The following TAF4B variants were observed in gnomAD, a reference collection of about 807,000 sequenced individuals.
The protein encoded by TAF4B is TATA-box binding protein associated factor 4b, also known as transcription initiation factor TFIID subunit 4B.
In TAF4B, 38 loss-of-function variants were observed where a neutral mutation model predicts 86.4. The observed-to-expected ratio is 0.44, with a 90% CI of 0.34 to 0.58. The LOEUF (loss-of-function observed/expected upper bound fraction) is 0.58, where lower values mean the gene tolerates loss of function less well. TAF4B is among the 20% of genes least tolerant of loss of function. TAF4B has a pLI of 0.02. For missense variants in TAF4B, 988 were observed against 1,027.6 expected, an observed-to-expected ratio of 0.96 and a Z score of 0.53; for synonymous variants, 388 against 391.2, an observed-to-expected ratio of 0.99 and a Z score of 0.10.
chr18:26,297,721 C>G (rs536478987), intron 9 of TAF4B, among the ~76,000 whole-genome samples: 45 of 152,148 alleles, frequency 3.0e-4, no homozygotes, highest in African/African-American at 9.9e-4. Context: ...CTTTTGTTTG[C>G]ACTGAATGAT....
At chr18:26,336,049 T>A (rs1598808468) in intron 13 of TAF4B, among the ~76,000 whole-genome samples, 1 of 152,200 alleles carries the variant, frequency 6.6e-6, no homozygotes, top group African/African-American at 2.4e-5. Flanking sequence ...GTGTGTGAAA[T>A]TTTTCACTTG....
intron 14 of TAF4B, among the ~76,000 whole-genome samples, chr18:26,368,352 T>C (rs2144335002): frequency 6.6e-6 from 1 of 152,322 alleles, no homozygotes; most frequent in South Asian, 2.1e-4. Context: ...TTAAAACCTT[T>C]TGGGGACAAA....
chr18:26,377,753 T>C (rs2057452479), intron 14 of TAF4B, among the ~76,000 whole-genome samples: 1 of 152,206 alleles, frequency 6.6e-6, no homozygotes, highest in South Asian at 2.1e-4. Flanking sequence ...TCTGGATTTA[T>C]TACTCCTCTC....
At chr18:26,389,458 T>C (rs1414789976) in intron 14 of TAF4B, among the ~76,000 whole-genome samples, 2 of 152,222 alleles carry the variant, frequency 1.3e-5, no homozygotes, top group Admixed American at 6.5e-5. Flanking sequence ...TATGTATGCA[T>C]ACAGCTTTGA....
intron 5 of TAF4B, among the ~76,000 whole-genome samples, chr18:26,281,121 T>C (rs1475619742): frequency 6.6e-6 from 1 of 152,126 alleles, no homozygotes; most frequent in Non-Finnish European, 1.5e-5. Flanking sequence ...ATGGGAACAA[T>C]AGACACTGGG....
intron 14 of TAF4B, among the ~76,000 whole-genome samples, chr18:26,388,774 C>T (rs1373886388): frequency 6.6e-6 from 1 of 152,108 alleles, no homozygotes; most frequent in Non-Finnish European, 1.5e-5. Context: ...GATAATATAG[C>T]ACAGTGGTTA....
At chr18:26,250,274 G>T (rs904073159) in intron 1 of TAF4B, among the ~76,000 whole-genome samples, 1 of 152,128 alleles carries the variant, frequency 6.6e-6, no homozygotes. Context: ...GAGGCAGGCG[G>T]ATCACGAGGT....
intron 13 of TAF4B, among the ~76,000 whole-genome samples, chr18:26,351,549 G>T (rs573385402): frequency 3.9e-5 from 6 of 152,196 alleles, no homozygotes; most frequent in African/African-American, 1.4e-4. Context: ...GAGATGATGG[G>T]TATACTAATT....
Position 26,337,791 on chromosome 18 carries a change from A to G in TAF4B, c.2316+2560A>G, listed in dbSNP as rs190801698. On this transcript the variant is annotated intron_variant, in intron 13 of 14. Coordinates refer to ENST00000269142, the MANE Select transcript of TAF4B (RefSeq NM_005640.3). Reference sequence around the variant, plus strand: ...TTTGTGAGGTTAGCATTTAGGATGCACTAATCACTATCATGCTGGTATAAA... The same window carrying G: ...TTTGTGAGGTTAGCATTTAGGATGCGCTAATCACTATCATGCTGGTATAAA... 8.5e-5 allele frequency among the ~76,000 whole-genome samples: 13 copies of G among 152,302 alleles called. No homozygotes were observed. In the East Asian group the frequency reaches 2.3e-3, roughly 27 times the overall value.
intron 9 of TAF4B, among the ~76,000 whole-genome samples, chr18:26,297,114 A>G (rs1178727103): frequency 6.6e-6 from 1 of 150,790 alleles, no homozygotes; most frequent in Non-Finnish European, 1.5e-5. Context: ...AGCCTGGGTG[A>G]CAGAGTGAGA....
At chr18:26,267,738 G>A (rs1247284304) in intron 3 of TAF4B, 115 bp downstream of exon 3, 1 of 693,752 alleles carries the variant, frequency 1.4e-6, no homozygotes, top group African/African-American at 1.8e-5. Context: ...TAGCAATTCA[G>A]TAATATATGA....
At chr18:26,310,477 TAGA>T (rs2056842432) in intron 9 of TAF4B, among the ~76,000 whole-genome samples, 1 of 152,132 alleles carries the variant, frequency 6.6e-6, no homozygotes, top group Non-Finnish European at 1.5e-5. Flanking sequence ...CTTTAAAGCA[TAGA>T]AGAAGGAATA....
At chr18:26,378,048 C>T (rs1356857773) in intron 14 of TAF4B, among the ~76,000 whole-genome samples, 1 of 151,942 alleles carries the variant, frequency 6.6e-6, no homozygotes, top group Non-Finnish European at 1.5e-5. Context: ...TGTTTTTGAC[C>T]ATTAGCTTAT....
At chr18:26,288,926 C>T (rs1030547016) in intron 7 of TAF4B, among the ~76,000 whole-genome samples, 5 of 151,998 alleles carry the variant, frequency 3.3e-5, no homozygotes, top group Non-Finnish European at 7.4e-5. Context: ...ATTTCATTTT[C>T]CCTGTGAATT....
intron 1 of TAF4B, among the ~76,000 whole-genome samples, chr18:26,243,863 T>C (rs2055880723): frequency 6.6e-6 from 1 of 152,230 alleles, no homozygotes; most frequent in South Asian, 2.1e-4. Context: ...AGACCCTGTT[T>C]GGCTGGGTAT....
intron 1 of TAF4B, among the ~76,000 whole-genome samples, chr18:26,254,671 A>G (rs1205247497): frequency 2.0e-5 from 3 of 152,138 alleles, no homozygotes; most frequent in Non-Finnish European, 4.4e-5. Context: ...TGTGTTTTCT[A>G]CTGTGCGGTA....
chr18:26,230,433 C>G (rs947560764), intron 1 of TAF4B, among the ~76,000 whole-genome samples: 2 of 152,198 alleles, frequency 1.3e-5, no homozygotes, highest in African/African-American at 4.8e-5. Flanking sequence ...TGTACATGAT[C>G]ATCACTTCCA....
At chr18:26,266,506 A>G (rs1212147554) in intron 2 of TAF4B, among the ~76,000 whole-genome samples, 1 of 152,174 alleles carries the variant, frequency 6.6e-6, no homozygotes, top group Non-Finnish European at 1.5e-5. Flanking sequence ...AGAATGACCT[A>G]TTTTACATCC....
intron 7 of TAF4B, among the ~76,000 whole-genome samples, chr18:26,288,728 TAGAA>T (rs2056556948): frequency 6.6e-6 from 1 of 152,178 alleles, no homozygotes; most frequent in Non-Finnish European, 1.5e-5. Flanking sequence ...ATGGTGCTCT[TAGAA>T]AGAACTTCTA....
Sources: allele counts gnomAD v4.1 joint callset (sites outside exome capture counted in the v4.1 genomes callset), GRCh38; gene constraint gnomAD v4.1.1; transcripts MANE v1.5; gene names NCBI Gene and HGNC (gene_info 2026-07-23, HGNC 2026-07-21).